The following KCTD1 variants were observed in gnomAD, a reference collection of about 807,000 sequenced individuals.
The protein encoded by KCTD1 is BTB/POZ domain-containing protein KCTD1.
A neutral mutation model predicts 66.0 loss-of-function variants in KCTD1; 24 were observed. That is an observed-to-expected ratio of 0.36 (90% CI 0.26 to 0.51). The LOEUF (loss-of-function observed/expected upper bound fraction) is 0.51, where lower values mean the gene tolerates loss of function less well. Among genes scored for constraint, KCTD1 ranks in the 20% least tolerant of loss-of-function variants. The probability of loss-of-function intolerance (pLI) is 0.95; values close to 1 mark genes in which losing one functional copy is unlikely to be tolerated. For missense variants in KCTD1, 943 were observed against 1,205.2 expected (o/e 0.78, Z 3.22); for synonymous variants, 511 against 517.2 (o/e 0.99, Z 0.16).
At chr18:26,532,257 C>CTTTTTTTTTTTTTTTTTTTTTTTTT (rs757573584) in intron 1 of KCTD1, among the ~76,000 whole-genome samples, 1 of 128,194 alleles carries the variant, frequency 7.8e-6, no homozygotes, top group African/African-American at 3.4e-5. Context: ...TCTTTTCTTT[C>CTTTTTTTTTTTTTTTTTTTTTTTTT]CTTCTTTTTT....
intron 1 of KCTD1, among the ~76,000 whole-genome samples, chr18:26,531,277 A>G (rs1171744790): frequency 2.0e-5 from 3 of 152,156 alleles, no homozygotes; most frequent in East Asian, 1.9e-4. Flanking sequence ...GGATCCCTTG[A>G]GCCCAGTAGT....
At chr18:26,634,181 A>T (rs1987676336), upstream of KCTD1, among the ~76,000 whole-genome samples, 1 of 152,212 alleles carries the variant, frequency 6.6e-6, no homozygotes, top group African/African-American at 2.4e-5. Flanking sequence ...GTGGCAAAAA[A>T]GTGGGAAAAA....
chr18:26,501,187 G>A lies in KCTD1; in HGVS notation c.1873C>T (p.Gln625Ter). 1 of 1,614,178 alleles carries A rather than the reference G, an allele frequency of 6.2e-7. No individual in the cohort carries two copies. The highest frequency in any genetic ancestry group is 8.5e-7 in the Non-Finnish European group (1 of 1,180,030). ...AGTTGTGCTGGAGTAGGGATGCCTT[G>A]GTTGTTCAGTGGAGATGCAGGGGAT... The part of the protein sequence containing the change: ...TRSPASPLNN[Q>*]GIPTPAQLTK... The change falls in exon 2 of 5, where the codon CAA (glutamine) becomes TAA (stop). Residue 625 changes from glutamine to a stop codon, truncating the protein, a stop_gained. Coordinates refer to ENST00000580059, the MANE Select transcript of KCTD1 (RefSeq NM_001142730.3). LOFTEE classifies it high-confidence loss of function.
intron 1 of KCTD1, among the ~76,000 whole-genome samples, chr18:26,624,240 C>T (rs896963537): frequency 2.0e-5 from 3 of 152,178 alleles, no homozygotes; most frequent in African/African-American, 7.2e-5. Context: ...GAAATTCAAG[C>T]CAGCTGCAGA....
At chr18:26,494,046 A>G (rs1982343480) in intron 2 of KCTD1, among the ~76,000 whole-genome samples, 1 of 152,206 alleles carries the variant, frequency 6.6e-6, no homozygotes, top group Non-Finnish European at 1.5e-5. Context: ...GCATTGGCAG[A>G]TGAGGAGCAC....
At chr18:26,521,525 G>C (rs1466951894) in intron 1 of KCTD1, among the ~76,000 whole-genome samples, 3 of 152,146 alleles carry the variant, frequency 2.0e-5, no homozygotes, top group African/African-American at 7.2e-5. Flanking sequence ...GAGGGTATGA[G>C]GTGTCTCCTA....
intron 3 of KCTD1, among the ~76,000 whole-genome samples, chr18:26,467,415 C>T (rs918945447): frequency 3.9e-5 from 6 of 152,198 alleles, no homozygotes; most frequent in African/African-American, 1.2e-4. Context: ...ACTTCGGGGG[C>T]GCTGAGCGGG....
chr18:26,571,311 C>T (rs1388625210), intron 1 of KCTD1, among the ~76,000 whole-genome samples: 1 of 152,084 alleles, frequency 6.6e-6, no homozygotes, highest in East Asian at 1.9e-4. Context: ...GAAAAACTGC[C>T]ATAGCCTTAA....
chr18:26,545,371 C>T (rs1985160920), intron 1 of KCTD1: 1 of 152,202 alleles, frequency 6.6e-6, no homozygotes, highest in African/African-American at 2.4e-5. Flanking sequence ...ATAGACTACA[C>T]ACCTGAAGTA....
intron 2 of KCTD1, among the ~76,000 whole-genome samples, chr18:26,486,566 TG>T (rs368698905): frequency 6.6e-6 from 1 of 152,242 alleles, no homozygotes; most frequent in African/African-American, 2.4e-5. Context: ...AATACTGGAC[TG>T]GGGCCTTCCT....
At chr18:26,573,463 A>G (rs1986156111) in intron 1 of KCTD1, among the ~76,000 whole-genome samples, 1 of 152,234 alleles carries the variant, frequency 6.6e-6, no homozygotes, top group African/African-American at 2.4e-5. Flanking sequence ...CCTACTTATA[A>G]AGAGACAAAA....
intron 1 of KCTD1, among the ~76,000 whole-genome samples, chr18:26,584,228 G>A (rs1451621855): frequency 6.6e-6 from 1 of 152,160 alleles, no homozygotes; most frequent in African/African-American, 2.4e-5. Context: ...ATCCAATAGA[G>A]TAGCCACTGG....
At chr18:26,535,556 T>C (rs1057484213) in intron 1 of KCTD1, among the ~76,000 whole-genome samples, 4 of 152,076 alleles carry the variant, frequency 2.6e-5, no homozygotes, top group Admixed American at 2.6e-4. Context: ...ACTGGGCTGT[T>C]CATTTCACCC....
chr18:26,489,718 C>T (rs546800524), intron 2 of KCTD1, among the ~76,000 whole-genome samples: 2 of 152,188 alleles, frequency 1.3e-5, no homozygotes, highest in South Asian at 4.1e-4. Flanking sequence ...TCCAGCCTAG[C>T]ATACGCATAG....
intron 1 of KCTD1, among the ~76,000 whole-genome samples, chr18:26,569,911 G>A (rs1010830614): frequency 3.8e-4 from 58 of 152,156 alleles, no homozygotes; most frequent in African/African-American, 1.3e-3. Context: ...CATAGGCCGG[G>A]TGCAGTGGCT....
At chr18:26,568,653 G>A (rs1986037600) in intron 1 of KCTD1, among the ~76,000 whole-genome samples, 1 of 152,072 alleles carries the variant, frequency 6.6e-6, no homozygotes, top group Non-Finnish European at 1.5e-5. Flanking sequence ...CTGTAGAATA[G>A]TACAAATAAA....
At chr18:26,514,409 G>A (rs1250825875) in intron 1 of KCTD1, among the ~76,000 whole-genome samples, 2 of 151,912 alleles carry the variant, frequency 1.3e-5, no homozygotes, top group African/African-American at 4.8e-5. Context: ...AAAACTGGCT[G>A]GGCGTAGTGG....
intron 1 of KCTD1, among the ~76,000 whole-genome samples, chr18:26,557,390 TTTAGTGGTCA>T (rs1328233493): frequency 3.9e-5 from 6 of 152,224 alleles, no homozygotes; most frequent in Non-Finnish European, 1.5e-5. Flanking sequence ...AGTACCATGC[TTTAGTGGTCA>T]ACATGCTTTC....
In KCTD1 at chr18:26,561,063, T is replaced by C. The variant is rs143860121; in HGVS notation, c.-15-59813A>G. On this transcript the variant is annotated intron_variant, in intron 1 of 4. Transcript: ENST00000317932. Reference sequence around the variant, plus strand: ...CATCTATTCAACAGAACACTATCTATAGATATAAAGAATAATGTAGGTTTG... The same window carrying C: ...CATCTATTCAACAGAACACTATCTACAGATATAAAGAATAATGTAGGTTTG... Among the ~76,000 whole-genome samples the C allele has an allele frequency of 3.8e-3, 573 of 152,244 alleles. 3 individuals are homozygous for C. Among genetic ancestry groups the C allele is most frequent in the African/African-American group, 0.012 (488 of 41,532 alleles).
Sources: gnomAD v4.1 joint callset for allele counts (sites outside exome capture counted in the v4.1 genomes callset) on GRCh38, gnomAD v4.1.1 for gene constraint, MANE v1.5 for transcripts, NCBI Gene and HGNC (gene_info 2026-07-23, HGNC 2026-07-21) for gene names.